Variants in GPR39 observed in about 807,000 individuals in gnomAD.
The protein encoded by GPR39 is zinc sensing receptor.
A neutral mutation model predicts 18.4 loss-of-function variants in GPR39; 23 were observed. That is an observed-to-expected ratio of 1.25 (90% CI 0.90 to 1.77). The LOEUF (loss-of-function observed/expected upper bound fraction) is 1.77. GPR39 is among the 40% of genes most tolerant of loss of function. GPR39 has a pLI of 0.00. For synonymous variants in GPR39, 280 were observed against 257.9 expected (o/e 1.09, Z -0.82); for missense variants, 647 against 602.4 (o/e 1.07, Z -0.78).
intron 1 of GPR39, among the ~76,000 whole-genome samples, chr2:132,466,309 A>G (rs1422985791): frequency 6.6e-6 from 1 of 152,280 alleles, no homozygotes; most frequent in East Asian, 1.9e-4. Context: ...CAGAGTCGCT[A>G]TCACAACATT....
At chr2:132,587,391 C>G (rs1680747658) in intron 1 of GPR39, among the ~76,000 whole-genome samples, 1 of 152,226 alleles carries the variant, frequency 6.6e-6, no homozygotes. Context: ...TAAAGAACAA[C>G]TGCCTCTTGG....
intron 1 of GPR39, among the ~76,000 whole-genome samples, chr2:132,567,677 T>C (rs1680374983): frequency 6.6e-6 from 1 of 152,192 alleles, no homozygotes; most frequent in African/African-American, 2.4e-5. Context: ...CCTGGAACTT[T>C]TTCAGGTATC....
At chr2:132,552,909 CAT>C (rs1212108218) in intron 1 of GPR39, among the ~76,000 whole-genome samples, 1,624 of 89,412 alleles carry the variant, frequency 0.018, 35 homozygotes, top group African/African-American at 0.088. Flanking sequence ...TATACACACA[CAT>C]ATATATACAC....
intron 1 of GPR39, among the ~76,000 whole-genome samples, chr2:132,493,350 CAT>C (rs568586795): frequency 6.9e-5 from 10 of 143,936 alleles, no homozygotes; most frequent in East Asian, 2.0e-4. Context: ...TATATATACA[CAT>C]ACCACATATA....
At chr2:132,582,510 A>G (rs981222730) in intron 1 of GPR39, among the ~76,000 whole-genome samples, 10 of 152,318 alleles carry the variant, frequency 6.6e-5, no homozygotes, top group African/African-American at 2.4e-4. Flanking sequence ...AGAGCTGGGG[A>G]TGAACAATGC....
intron 1 of GPR39, among the ~76,000 whole-genome samples, chr2:132,476,832 T>G (rs2104786981): frequency 6.6e-6 from 1 of 152,218 alleles, no homozygotes; most frequent in East Asian, 1.9e-4. Context: ...AGGCTGTTAT[T>G]CCTTAGAACA....
intron 1 of GPR39, among the ~76,000 whole-genome samples, chr2:132,544,164 A>T (rs113549098): frequency 6.6e-6 from 1 of 152,184 alleles, no homozygotes; most frequent in African/African-American, 2.4e-5. Flanking sequence ...GTCATCTTTT[A>T]GTTTCTATAG....
At chr2:132,558,605 G>A (rs1427278125) in intron 1 of GPR39, among the ~76,000 whole-genome samples, 2 of 152,108 alleles carry the variant, frequency 1.3e-5, no homozygotes, top group African/African-American at 4.8e-5. Context: ...ATTGAGATGA[G>A]GTCGGGGGAA....
At chr2:132,493,662 C>T (rs1308223092) in intron 1 of GPR39, among the ~76,000 whole-genome samples, 1 of 151,320 alleles carries the variant, frequency 6.6e-6, no homozygotes, top group Non-Finnish European at 1.5e-5. Context: ...TGAATGTAGG[C>T]CATTTGGGAG....
intron 1 of GPR39, among the ~76,000 whole-genome samples, chr2:132,625,173 C>T (rs888336550): frequency 1.3e-5 from 2 of 151,586 alleles, no homozygotes; most frequent in East Asian, 3.9e-4. Context: ...TTAATTTGGC[C>T]ATTCTGTTGA....
intron 1 of GPR39, among the ~76,000 whole-genome samples, chr2:132,493,153 A>T (rs964492644): frequency 2.1e-5 from 3 of 144,240 alleles, no homozygotes; most frequent in African/African-American, 7.7e-5. Context: ...TACATTCCAT[A>T]TATATACCAT....
At chr2:132,609,053 C>T (rs188719878) in intron 1 of GPR39, among the ~76,000 whole-genome samples, 1 of 152,262 alleles carries the variant, frequency 6.6e-6, no homozygotes, top group East Asian at 1.9e-4. Context: ...GGATGTTTTC[C>T]AGTGTGTGAC....
intron 1 of GPR39, among the ~76,000 whole-genome samples, chr2:132,458,034 G>C (rs756516369): frequency 1.3e-5 from 2 of 152,336 alleles, no homozygotes; most frequent in Non-Finnish European, 2.9e-5. Context: ...CAGGTAGTCT[G>C]TCACGGCTTC....
chr2:132,625,052 C>T (rs1430444362), intron 1 of GPR39, among the ~76,000 whole-genome samples: 4 of 151,110 alleles, frequency 2.6e-5, no homozygotes, highest in Non-Finnish European at 4.4e-5. Flanking sequence ...TGGCAGTGTA[C>T]GGGAGTTCTA....
chr2:132,509,443 C>T (rs1360241868), intron 1 of GPR39, among the ~76,000 whole-genome samples: 2 of 29,160 alleles, frequency 6.9e-5, no homozygotes, highest in East Asian at 3.1e-3. Flanking sequence ...TACACACTCA[C>T]ACACACAGAC....
At chr2:132,492,700 ATAAT>A (rs1558814562) in intron 1 of GPR39, among the ~76,000 whole-genome samples, 1 of 142,474 alleles carries the variant, frequency 7.0e-6, no homozygotes, top group African/African-American at 2.6e-5. Context: ...CCATATATAT[ATAAT>A]ATATATACAC....
intron 1 of GPR39, among the ~76,000 whole-genome samples, chr2:132,457,190 T>C (rs546778173): frequency 6.6e-5 from 10 of 152,334 alleles, no homozygotes; most frequent in Non-Finnish European, 1.0e-4. Flanking sequence ...TCTTACTCTT[T>C]TTTCTCTAAC....
At chr2:132,504,949 A>G (rs2104753484) in intron 1 of GPR39, among the ~76,000 whole-genome samples, 1 of 152,342 alleles carries the variant, frequency 6.6e-6, no homozygotes, top group Admixed American at 6.5e-5. Flanking sequence ...CATTTGTTGG[A>G]AATCTGTTCA....
chr2:132,585,711 G>T lies in GPR39; in HGVS notation c.857-59390G>T, dbSNP rs575146612. ...GACGGGCAAGGGGGGCGCAGTTTGCGAACTGCTGGGGTTCTCGGAGGGCCG... is the reference window on the plus strand; with the variant it reads ...GACGGGCAAGGGGGGCGCAGTTTGCTAACTGCTGGGGTTCTCGGAGGGCCG... On this transcript the variant is annotated intron_variant, in intron 1 of 1. Coordinates refer to ENST00000329321, the MANE Select transcript of GPR39 (RefSeq NM_001508.3). Among the ~76,000 whole-genome samples the T allele has an allele frequency of 2.6e-5, 4 of 152,086 alleles. No homozygotes were observed. In the South Asian group the frequency reaches 8.3e-4, roughly 32 times the overall value.
Sources: allele counts gnomAD v4.1 joint callset (sites outside exome capture counted in the v4.1 genomes callset), GRCh38; gene constraint gnomAD v4.1.1; transcripts MANE v1.5; gene names NCBI Gene and HGNC (gene_info 2026-07-23, HGNC 2026-07-21).